The following ZFPM1 variants were observed in gnomAD, a reference collection of about 807,000 sequenced individuals.
The protein encoded by ZFPM1 is zinc finger protein, FOG family member 1.
A neutral mutation model predicts 46.3 loss-of-function variants in ZFPM1; 28 were observed. That is an observed-to-expected ratio of 0.60 (90% CI 0.45 to 0.83). ZFPM1 has a LOEUF of 0.83. ZFPM1 is among the 40% of genes least tolerant of loss of function. ZFPM1 has a pLI of 0.00. For missense variants in ZFPM1, 1,878 were observed against 1,432.4 expected, an observed-to-expected ratio of 1.31 and a Z score of -5.02; for synonymous variants, 957 against 675.9, an observed-to-expected ratio of 1.42 and a Z score of -6.45.
In ZFPM1 at chr16:88,461,049, G is replaced by A. The variant is rs1417315614; in HGVS notation, c.40+7371G>A. Among the ~76,000 whole-genome samples, 17 of 117,472 alleles carry A rather than the reference G, an allele frequency of 1.4e-4. 1 individual carries two copies. The highest frequency in any genetic ancestry group is 4.5e-4 in the African/African-American group (12 of 26,824). The allele number at this position is 117,472 out of a possible 152,430, so 77.1% of individuals were successfully genotyped here. On this transcript the variant is annotated intron_variant, in intron 1 of 9. Transcript: ENST00000319555. ...AGGCCTGGTGAGGACCGAGGGGCGG[G>A]AGGCCCTGGTGAGGACCCAGGGGCA...
chr16:88,478,634 C>T (rs1366351802), intron 1 of ZFPM1, among the ~76,000 whole-genome samples: 1 of 152,208 alleles, frequency 6.6e-6, no homozygotes, highest in African/African-American at 2.4e-5. Flanking sequence ...TACAAATAAA[C>T]GAGGCTCCGG....
At chr16:88,516,921 C>T (rs1911336530) in intron 4 of ZFPM1, among the ~76,000 whole-genome samples, 1 of 152,190 alleles carries the variant, frequency 6.6e-6, no homozygotes, top group South Asian at 2.1e-4. Context: ...CTCGGTTCCC[C>T]ACCTCTGGAC....
At chr16:88,504,872 G>C (rs1408781221) in intron 3 of ZFPM1, among the ~76,000 whole-genome samples, 1 of 152,142 alleles carries the variant, frequency 6.6e-6, no homozygotes, top group Non-Finnish European at 1.5e-5. Context: ...CTTTCCCTTA[G>C]AGACACCCCC....
intron 6 of ZFPM1, 30 bp downstream of exon 6, chr16:88,528,268 G>C (rs200840151): frequency 1.3e-6 from 2 of 1,560,866 alleles, no homozygotes; most frequent in East Asian, 4.6e-5. Context: ...CACCCAGGGC[G>C]GCTGCTCCAC....
At chr16:88,454,920 G>A (rs189878312) in intron 1 of ZFPM1, among the ~76,000 whole-genome samples, 56 of 152,324 alleles carry the variant, frequency 3.7e-4, no homozygotes, top group African/African-American at 1.3e-3. Flanking sequence ...GCCTGTGGGA[G>A]CTTCCCTACT....
chr16:88,503,811 G>A (rs2142406814), intron 3 of ZFPM1, among the ~76,000 whole-genome samples: 1 of 152,306 alleles, frequency 6.6e-6, no homozygotes, highest in South Asian at 2.1e-4. Flanking sequence ...GCCTCGGGCT[G>A]CCAGGCAGAT....
At chr16:88,512,204 G>T (rs1911007041) in intron 3 of ZFPM1, among the ~76,000 whole-genome samples, 2 of 152,230 alleles carry the variant, frequency 1.3e-5, no homozygotes, top group African/African-American at 4.8e-5. Context: ...CGTGGGCCGG[G>T]TAGGGTGGGC....
chr16:88,460,948 A>T (rs1907806104), intron 1 of ZFPM1, among the ~76,000 whole-genome samples: 3 of 14,670 alleles, frequency 2.0e-4, no homozygotes, highest in Admixed American at 1.1e-3. Context: ...GTGATGACCG[A>T]GGGGCGGGGC....
chr16:88,513,403 G>C (rs929512528), intron 3 of ZFPM1: 3 of 152,448 alleles, frequency 2.0e-5, no homozygotes, highest in African/African-American at 7.2e-5. Context: ...TGATCATCAG[G>C]CCCATTAAGA....
intron 5 of ZFPM1, among the ~76,000 whole-genome samples, 187 bp downstream of exon 5, chr16:88,527,103 A>C (rs1912398304): frequency 6.6e-6 from 1 of 152,100 alleles, no homozygotes; most frequent in Non-Finnish European, 1.5e-5. Context: ...CCAGACCATG[A>C]GTCCCTGTAT....
At position 88,480,245 on chromosome 16, in the gene ZFPM1, T is replaced by C. The variant is rs1459482031; in HGVS notation, c.41-5694T>C. ...TTCCTGGATGGCACCTCTGACTCTT[T>C]CCTGTGGTGCTCACACTGGCATCTT... On this transcript the variant is annotated intron_variant, in intron 1 of 9. Transcript: ENST00000319555. This position sits in a 1 kb window ranked among gnomAD's most constrained non-coding sequence, Gnocchi z 4.9. 6.6e-6 allele frequency among the ~76,000 whole-genome samples: 1 copy of C among 152,040 alleles called. No homozygotes were observed. Among genetic ancestry groups the C allele is most frequent in the East Asian group, 1.9e-4 (1 of 5,160 alleles).
At position 88,497,985 on chromosome 16, in the gene ZFPM1, C is replaced by T. The variant is rs1158560628; in HGVS notation, c.268+8832C>T. Among the ~76,000 whole-genome samples the T allele has an allele frequency of 1.3e-5, 2 of 152,170 alleles. No individual in the cohort carries two copies. The highest frequency in any genetic ancestry group is 2.9e-5 in the Non-Finnish European group (2 of 68,010). The stretch of plus-strand genomic sequence containing the variant: ...ACTGGCTCCCTCCCCACCCGGTGTG[C>T]GTGGGTGGGAAATCATTCCAGCTAT... On this transcript the variant is annotated intron_variant, in intron 3 of 9. Coordinates refer to ENST00000319555, the MANE Select transcript of ZFPM1 (RefSeq NM_153813.3). The surrounding 1 kb of genome is among the most constrained non-coding windows in gnomAD (Gnocchi z 5.4).
intron 2 of ZFPM1, among the ~76,000 whole-genome samples, chr16:88,486,904 C>T (rs1007270112): frequency 3.7e-4 from 56 of 152,158 alleles, no homozygotes; most frequent in African/African-American, 1.3e-3. Flanking sequence ...ACACCCCATT[C>T]ACAGACCAGA....
intron 4 of ZFPM1, chr16:88,515,999 A>G (rs1911272591): frequency 7.6e-6 from 3 of 396,946 alleles, no homozygotes; most frequent in Middle Eastern, 6.2e-4. Context: ...CCAAGGGCAA[A>G]GACCGTAGGG....
chr16:88,517,472 CTGGGTGGA>C (rs1911408593), intron 4 of ZFPM1, among the ~76,000 whole-genome samples: 1 of 54,552 alleles, frequency 1.8e-5, no homozygotes, highest in South Asian at 7.1e-4. Context: ...GGATGGATGG[CTGGGTGGA>C]TGGATGGATG....
intron 3 of ZFPM1, among the ~76,000 whole-genome samples, chr16:88,502,056 GC>G (rs34910465): frequency 0.41 from 42,580 of 104,470 alleles, 8,766 homozygotes; most frequent in East Asian, 0.66. Flanking sequence ...GGCTCCACCC[GC>G]CCCCCCCCAT....
At chr16:88,499,513 G>A (rs967063681) in intron 3 of ZFPM1, among the ~76,000 whole-genome samples, 1 of 152,202 alleles carries the variant, frequency 6.6e-6, no homozygotes, top group South Asian at 2.1e-4. Context: ...AAGGGGCCAG[G>A]GGGCAGGCAG....
At chr16:88,488,343 C>G (rs928620759) in intron 2 of ZFPM1, among the ~76,000 whole-genome samples, 2 of 152,340 alleles carry the variant, frequency 1.3e-5, no homozygotes, top group African/African-American at 4.8e-5. Context: ...AGGGCTGCAC[C>G]TGGCACCGCC....
At chr16:88,491,028 T>A (rs1219025107) in intron 3 of ZFPM1, among the ~76,000 whole-genome samples, 3 of 148,610 alleles carry the variant, frequency 2.0e-5, no homozygotes, top group African/African-American at 7.5e-5. Flanking sequence ...GGGCTCTCGG[T>A]CAGGCGCTGG....
Sources: gnomAD v4.1 joint callset for allele counts (sites outside exome capture counted in the v4.1 genomes callset) on GRCh38, gnomAD v4.1.1 for gene constraint, Gnocchi (gnomAD v3.1) non-coding constraint, MANE v1.5 for transcripts, NCBI Gene and HGNC (gene_info 2026-07-23, HGNC 2026-07-21) for gene names.